The following CHST15 variants were observed in gnomAD, a reference collection of about 807,000 sequenced individuals.
CHST15 encodes the protein B cell RAG associated protein (GALNAC4S-6ST).
CHST15 carries 30 observed loss-of-function variants against 53.6 expected under a neutral mutation model. That is an observed-to-expected ratio of 0.56 (90% CI 0.42 to 0.76). The LOEUF (loss-of-function observed/expected upper bound fraction) is 0.76, where lower values mean the gene tolerates loss of function less well. Ranked by LOEUF, CHST15 falls within the 30% of genes least tolerant of loss-of-function variation. CHST15 has a pLI of 0.00. For synonymous variants in CHST15, 296 were observed against 289.8 expected (o/e 1.02, Z -0.22); for missense variants, 627 against 740.5 (o/e 0.85, Z 1.78).
chr10:124,038,801 C>T, intron 4 of CHST15, 130 bp from the exon 5 acceptor site: 3 of 906,182 alleles, frequency 3.3e-6, no homozygotes, highest in Non-Finnish European at 5.0e-6. Context: ...AAGCTGTCAG[C>T]CTTTGCGGGC....
At chr10:124,041,923 C>T (rs955239841) in intron 4 of CHST15, among the ~76,000 whole-genome samples, 9 of 152,302 alleles carry the variant, frequency 5.9e-5, no homozygotes, top group South Asian at 2.1e-4. Flanking sequence ...AGCAGCAAAT[C>T]GATGACTAAC....
At chr10:124,065,615 G>C (rs1253514105) in intron 1 of CHST15, among the ~76,000 whole-genome samples, 1 of 151,948 alleles carries the variant, frequency 6.6e-6, no homozygotes, top group African/African-American at 2.4e-5. Context: ...GTCCTGCTGG[G>C]AGCAGACACA....
rs894827183 is a variant in CHST15, at chr10:124,009,488, G to A, written c.*661C>T. On this transcript the variant is annotated 3_prime_UTR_variant, in exon 8 of 8. Coordinates refer to ENST00000435907, the MANE Select transcript of CHST15 (RefSeq NM_001270764.2). The stretch of plus-strand genomic sequence containing the variant: ...TTTTTTTCCTTTTGGAAACAGTGAC[G>A]TTAACAGGGTTTACATCTGAAGAAA... The A allele has an allele frequency of 1.9e-5, 19 of 989,004 alleles. No homozygotes were observed. The highest frequency in any genetic ancestry group is 2.2e-5 in the Non-Finnish European group (18 of 832,158). 61.3% of individuals were successfully genotyped at this position (989,004 alleles called of 1,614,324 possible). A position where few individuals can be genotyped will look rare whatever the true frequency, so the allele number is the denominator to read the frequency against.
chr10:124,020,538 T>C (rs1946739143), intron 6 of CHST15: 1 of 985,492 alleles, frequency 1.0e-6, no homozygotes, highest in Non-Finnish European at 1.2e-6. Context: ...CCTGGGGGCT[T>C]CCAAGACTCC....
At chr10:124,028,946 G>A (rs538266672) in intron 5 of CHST15, among the ~76,000 whole-genome samples, 77 of 148,720 alleles carry the variant, frequency 5.2e-4, no homozygotes, top group Non-Finnish European at 9.3e-4. Context: ...TTACCGGAAC[G>A]GCCCCATTTC....
At chr10:124,077,771 G>A (rs1949123597) in intron 1 of CHST15, among the ~76,000 whole-genome samples, 1 of 152,194 alleles carries the variant, frequency 6.6e-6, no homozygotes, top group Admixed American at 6.5e-5. Context: ...TGCTGCCCAT[G>A]AGGCCGAGCC....
chr10:124,088,114 T>C (rs189221660), intron 1 of CHST15, among the ~76,000 whole-genome samples: 51 of 152,370 alleles, frequency 3.3e-4, no homozygotes, highest in Middle Eastern at 3.4e-3. Flanking sequence ...CAGTGTTTAC[T>C]GAGCACTTAC....
At chr10:124,091,942 C>A (rs540667619) in intron 1 of CHST15, among the ~76,000 whole-genome samples, 1 of 152,254 alleles carries the variant, frequency 6.6e-6, no homozygotes, top group South Asian at 2.1e-4. Context: ...AACGTGGGCA[C>A]CCGGACAGCG....
chr10:124,087,763 G>A (rs990672748), intron 1 of CHST15, among the ~76,000 whole-genome samples: 1 of 150,918 alleles, frequency 6.6e-6, no homozygotes, highest in Admixed American at 6.6e-5. Flanking sequence ...AGTGGGGTGA[G>A]ATGTAACATT....
rs774921257 is a variant in CHST15 at position 124,044,645 on chromosome 10, C to T, written c.821G>A (p.Arg274Gln). ...CGTTDLYDRL[R>Q]LHPEVKFSAI... ...GGAGAACTTGACCTCAGGGTGCAGC[C>T]GCAGGCGGTCATAGAGGTCTGTGGT... is the stretch of plus-strand genomic sequence containing the variant. The change falls in exon 3 of 8, where the codon CGG becomes CAG. Residue 274 changes from arginine (R) to glutamine (Q), a missense_variant. Physicochemically the swap from Arg to Gln is conservative, Grantham distance 43. Transcript: ENST00000435907. The T allele has an allele frequency of 1.2e-6, 2 of 1,604,752 alleles. No homozygotes were observed. Among genetic ancestry groups the T allele is most frequent in the Admixed American group, 1.7e-5 (1 of 58,690 alleles).
At position 124,009,711 on chromosome 10, in the gene CHST15, G is replaced by C; in HGVS notation, c.*438C>G. On this transcript the variant is annotated 3_prime_UTR_variant, in exon 8 of 8. Transcript: ENST00000435907. ...AACACGGCGAGACCCCATCTCTAGG[G>C]GGAAAAAAAGGGAACGTGAAGTGTA... 2 of 1,023,930 alleles carry C rather than the reference G, an allele frequency of 2.0e-6. No homozygotes were observed. The highest frequency in any genetic ancestry group is 2.3e-6 in the Non-Finnish European group (2 of 852,526). The allele number at this position is 1,023,930 out of a possible 1,614,324, so 63.4% of individuals were successfully genotyped here. A position where few individuals can be genotyped will look rare whatever the true frequency, so the allele number is the denominator to read the frequency against.
rs752771509 is a variant in CHST15, at chr10:124,021,277, G to A, written c.1326C>T (p.Asn442=). 1 of 1,611,904 alleles carries A rather than the reference G, an allele frequency of 6.2e-7. No individual in the cohort carries two copies. The highest frequency in any genetic ancestry group is 1.1e-5 in the South Asian group (1 of 90,874). The part of the protein sequence containing the change: ...DYSLRACVYN[N]TLNNAMPVRL... ...ACACAGGCATGGCGTTGTTGAGGGTGTTGTTGTAGACGCAGGCGCGCAGTG... is the reference window on the plus strand; with the variant it reads ...ACACAGGCATGGCGTTGTTGAGGGTATTGTTGTAGACGCAGGCGCGCAGTG... Residue 442 remains asparagine (N), a synonymous_variant, in exon 6 of 8, where the codon AAC becomes AAT. Coordinates refer to ENST00000435907, the MANE Select transcript of CHST15 (RefSeq NM_001270764.2).
At chr10:124,065,373 A>G (rs1264545381) in intron 1 of CHST15, among the ~76,000 whole-genome samples, 7 of 152,220 alleles carry the variant, frequency 4.6e-5, no homozygotes, top group Admixed American at 2.6e-4. Context: ...ACAGAGCAAG[A>G]CCGTATCTCA....
intron 6 of CHST15, among the ~76,000 whole-genome samples, chr10:124,014,127 TG>T (rs1235284587): frequency 6.6e-6 from 1 of 152,220 alleles, no homozygotes; most frequent in Admixed American, 6.5e-5. Flanking sequence ...GGCTCCTCCC[TG>T]GAGTTCCCAT....
chr10:124,036,886 C>T lies in CHST15; in HGVS notation c.1190+1629G>A, dbSNP rs1947517327. On this transcript the variant is annotated intron_variant, in intron 5 of 7. Transcript: ENST00000435907. The surrounding 1 kb of genome is among the most constrained non-coding windows in gnomAD (Gnocchi z 5.1). ...GAAGGGGTCCCAGGGGTCAGTTTCC[C>T]GGGGCTGCCAGGACAAATCACCACG... 1.3e-5 allele frequency among the ~76,000 whole-genome samples: 2 copies of T among 152,250 alleles called. No homozygotes were observed. The highest frequency in any genetic ancestry group is 3.4e-3 in the Middle Eastern group (1 of 294).
At chr10:124,063,109 G>A (rs552589517) in intron 1 of CHST15, among the ~76,000 whole-genome samples, 15 of 152,268 alleles carry the variant, frequency 9.9e-5, no homozygotes, top group South Asian at 6.2e-4. Flanking sequence ...CAGGCTGGGC[G>A]CAGTGGCTCA....
chr10:124,020,683 C>T, intron 6 of CHST15: 1 of 996,294 alleles, frequency 1.0e-6, no homozygotes, highest in Non-Finnish European at 1.2e-6. Context: ...CCAGGGAGCC[C>T]AGCATGGAAA....
chr10:124,071,551 A>G (rs1238984951), intron 1 of CHST15, among the ~76,000 whole-genome samples: 1 of 152,256 alleles, frequency 6.6e-6, no homozygotes, highest in African/African-American at 2.4e-5. Flanking sequence ...CATGTAGTTC[A>G]ACTCGAATAG....
chr10:124,009,939 T>C lies in CHST15; in HGVS notation c.*210A>G. ...TGAGAAACTGGGGTCTCCAATGGCCTCGGATAGAGGAGCTCTGTGAGGGGT... is the reference window on the plus strand; with the variant it reads ...TGAGAAACTGGGGTCTCCAATGGCCCCGGATAGAGGAGCTCTGTGAGGGGT... On this transcript the variant is annotated 3_prime_UTR_variant, in exon 8 of 8. Coordinates refer to ENST00000435907, the MANE Select transcript of CHST15 (RefSeq NM_001270764.2). 1 of 1,404,086 alleles carries C rather than the reference T, an allele frequency of 7.1e-7. No individual in the cohort carries two copies. The highest frequency in any genetic ancestry group is 9.2e-7 in the Non-Finnish European group (1 of 1,081,698). 87.0% of individuals were successfully genotyped at this position (1,404,086 alleles called of 1,614,324 possible).
Sources: allele counts gnomAD v4.1 joint callset (sites outside exome capture counted in the v4.1 genomes callset), GRCh38; gene constraint gnomAD v4.1.1; non-coding constraint Gnocchi (gnomAD v3.1); transcripts MANE v1.5; gene names NCBI Gene and HGNC (gene_info 2026-07-23, HGNC 2026-07-21).